IGF1R: variants seen among roughly 807,000 people sequenced by gnomAD.
IGF1R encodes insulin like growth factor 1 receptor.
Under a neutral mutation model 144.6 loss-of-function variants are expected in IGF1R, and 44 were observed. The ratio of observed to expected loss-of-function variants is 0.30; its 90% CI spans 0.24 to 0.39. The LOEUF is 0.39. Among genes scored for constraint, IGF1R ranks in the 10% least tolerant of loss-of-function variants. IGF1R has a pLI of 1.00. For synonymous variants in IGF1R, 795 were observed against 722.8 expected (o/e 1.10, Z -1.60); for missense variants, 1,355 against 1,833.7 (o/e 0.74, Z 4.77).
intron 2 of IGF1R, among the ~76,000 whole-genome samples, chr15:98,750,227 C>G (rs1043897656): frequency 1.4e-4 from 22 of 152,206 alleles, no homozygotes; most frequent in Admixed American, 6.5e-4. Flanking sequence ...CACTGGGGCA[C>G]CTGGCTGTGC....
intron 2 of IGF1R, among the ~76,000 whole-genome samples, chr15:98,786,902 G>C (rs2056011976): frequency 6.6e-6 from 1 of 152,196 alleles, no homozygotes; most frequent in South Asian, 2.1e-4. Context: ...TCAAGTCATG[G>C]AGAATTGATC....
At chr15:98,671,531 C>T (rs1370645922) in intron 1 of IGF1R, among the ~76,000 whole-genome samples, 1 of 152,170 alleles carries the variant, frequency 6.6e-6, no homozygotes, top group Non-Finnish European at 1.5e-5. Context: ...CTGGGGGCTT[C>T]CTTATTGGTT....
chr15:98,741,154 G>A (rs112560590), intron 2 of IGF1R, among the ~76,000 whole-genome samples: 2,050 of 150,000 alleles, frequency 0.014, 49 homozygotes, highest in African/African-American at 0.047. Context: ...AGACACTCTC[G>A]TGTTGACATG....
chr15:98,880,205 C>T (rs2013298734), intron 2 of IGF1R, among the ~76,000 whole-genome samples: 1 of 152,146 alleles, frequency 6.6e-6, no homozygotes, highest in Non-Finnish European at 1.5e-5. Context: ...TCCCAACAGC[C>T]CAGCTAGAGG....
chr15:98,716,270 T>C (rs998535598), intron 2 of IGF1R, among the ~76,000 whole-genome samples: 7 of 152,162 alleles, frequency 4.6e-5, no homozygotes, highest in Non-Finnish European at 7.3e-5. Flanking sequence ...TGAGAAGATT[T>C]CTTGCTTCCT....
At chr15:98,823,978 T>C (rs1220170034) in intron 2 of IGF1R, among the ~76,000 whole-genome samples, 1 of 152,226 alleles carries the variant, frequency 6.6e-6, no homozygotes, top group African/African-American at 2.4e-5. Context: ...TGTTGTTTCT[T>C]ATACTCAGTC....
intron 1 of IGF1R, among the ~76,000 whole-genome samples, chr15:98,671,335 A>G (rs1177273918): frequency 2.0e-5 from 3 of 152,216 alleles, no homozygotes; most frequent in African/African-American, 7.2e-5. Context: ...TCCATTCCAG[A>G]TTCAACATTG....
chr15:98,667,002 T>C (rs1241524906), intron 1 of IGF1R, among the ~76,000 whole-genome samples: 2 of 152,160 alleles, frequency 1.3e-5, no homozygotes, highest in East Asian at 3.9e-4. Flanking sequence ...GACCAGTCCT[T>C]GTCCATGGCG....
chr15:98,859,210 T>C (rs2012008388), intron 2 of IGF1R, among the ~76,000 whole-genome samples: 3 of 152,194 alleles, frequency 2.0e-5, no homozygotes, highest in South Asian at 4.1e-4. Flanking sequence ...CATGTCCACC[T>C]GCATAATTAT....
intron 2 of IGF1R, chr15:98,890,341 C>G (rs2013844214): frequency 6.6e-6 from 1 of 152,202 alleles, no homozygotes. Flanking sequence ...GGCGCAAACC[C>G]ACCAAAACCA....
intron 2 of IGF1R, among the ~76,000 whole-genome samples, chr15:98,797,014 A>T (rs1158103783): frequency 2.0e-5 from 3 of 152,154 alleles, no homozygotes; most frequent in Admixed American, 6.5e-5. Context: ...GTGTGGTGCT[A>T]TGCTGGCGTT....
intron 1 of IGF1R, among the ~76,000 whole-genome samples, chr15:98,697,102 A>G (rs2053612755): frequency 6.6e-6 from 1 of 152,130 alleles, no homozygotes; most frequent in Admixed American, 6.6e-5. Context: ...AGTGGGAGTG[A>G]TCATTGAAGG....
intron 2 of IGF1R, among the ~76,000 whole-genome samples, chr15:98,834,921 G>A (rs2057066135): frequency 6.6e-6 from 1 of 152,058 alleles, no homozygotes; most frequent in African/African-American, 2.4e-5. Context: ...GGATTTTTGT[G>A]GGTCCAGGGC....
At chr15:98,870,292 C>CA (rs1347192130) in intron 2 of IGF1R, among the ~76,000 whole-genome samples, 1 of 152,150 alleles carries the variant, frequency 6.6e-6, no homozygotes, top group African/African-American at 2.4e-5. Flanking sequence ...TGGCCAAAAA[C>CA]AAAAATAAGT....
Position 98,886,014 on chromosome 15 carries a change from C to T in IGF1R, c.641-5311C>T, listed in dbSNP as rs142556596. 4.2e-3 allele frequency among the ~76,000 whole-genome samples: 639 copies of T among 152,164 alleles called. 3 individuals carry two copies. Among genetic ancestry groups the T allele is most frequent in the African/African-American group, 0.015 (612 of 41,532 alleles). On this transcript the variant is annotated intron_variant, in intron 2 of 20. Transcript: ENST00000650285. ...GTATTTTTAGTAAGAGATGGGGTTT[C>T]GCCATGTTGGGCAGGCTGGTCTTGA...
intron 2 of IGF1R, among the ~76,000 whole-genome samples, chr15:98,728,005 T>TTG (rs1364256182): frequency 1.9e-5 from 2 of 102,908 alleles, no homozygotes; most frequent in Non-Finnish European, 4.1e-5. Flanking sequence ...TGAAGATGCA[T>TTG]TGTTTTTTTT....
At position 98,656,605 on chromosome 15, in the gene IGF1R, ATT is replaced by A. The variant is rs5814888; in HGVS notation, c.94+6939_94+6940del. ...CTCACCTGGTAATAGTCTGGAAAAC[ATT>A]TTTTTTTTGTTTTTTTGCATATTTT... is the stretch of plus-strand genomic sequence containing the variant. On this transcript the variant is annotated intron_variant, in intron 1 of 20. Coordinates refer to ENST00000650285, the MANE Select transcript of IGF1R (RefSeq NM_000875.5). 2.8e-4 allele frequency among the ~76,000 whole-genome samples: 42 copies of A among 149,840 alleles called. 1 individual carries two copies. Among genetic ancestry groups the A allele is most frequent in the Admixed American group, 1.4e-3 (21 of 15,030 alleles).
intron 20 of IGF1R, chr15:98,952,687 G>T (rs1596487155): frequency 6.6e-6 from 1 of 152,160 alleles, no homozygotes; most frequent in Non-Finnish European, 1.5e-5. Context: ...AGGTGACTGG[G>T]CTTTTACTAT....
At chr15:98,758,191 T>C (rs1261518152) in intron 2 of IGF1R, among the ~76,000 whole-genome samples, 1 of 150,054 alleles carries the variant, frequency 6.7e-6, no homozygotes, top group Non-Finnish European at 1.5e-5. Flanking sequence ...TTCTGTTCAA[T>C]TTAAAATTTT....
Sources: gnomAD v4.1 joint callset for allele counts (sites outside exome capture counted in the v4.1 genomes callset) on GRCh38, gnomAD v4.1.1 for gene constraint, MANE v1.5 for transcripts, NCBI Gene and HGNC (gene_info 2026-07-23, HGNC 2026-07-21) for gene names.